Variants in SERPINA9 observed in about 807,000 individuals in gnomAD.
The protein encoded by SERPINA9 is serpin A9.
Under a neutral mutation model 24.5 loss-of-function variants are expected in SERPINA9, and 32 were observed. That is an observed-to-expected ratio of 1.30 (90% CI 0.98 to 1.75). The LOEUF (loss-of-function observed/expected upper bound fraction) is 1.75, where lower values mean the gene tolerates loss of function less well. SERPINA9 is among the 40% of genes most tolerant of loss of function. SERPINA9 has a pLI of 0.00. For synonymous variants in SERPINA9, 233 were observed against 197.7 expected (o/e 1.18, Z -1.50); for missense variants, 594 against 497.1 (o/e 1.19, Z -1.85).
rs367583739 is a variant in SERPINA9, at chr14:94,464,791, G to A, written c.966C>T (p.Leu322=). The A allele has an allele frequency of 2.3e-4, 371 of 1,613,334 alleles. 1 individual carries two copies. Among genetic ancestry groups the A allele is most frequent in the Non-Finnish European group, 3.1e-5 (37 of 1,179,368 alleles). Residue 322 remains leucine, a synonymous_variant, in exon 4 of 5, where the codon CTC becomes CTT. Transcript: ENST00000674397. The stretch of plus-strand genomic sequence containing the variant: ...AGACATTTTGGATGCCCATCTTCGG[G>A]AGGATGGTTTCCAGATTGTAGGAGG... ...ISASYNLETI[L]PKMGIQNVFD...
Position 94,469,647 on chromosome 14 carries a change from C to G in SERPINA9, c.194G>C (p.Ser65Thr), listed in dbSNP as rs771270945. 1.9e-6 allele frequency: 3 copies of G among 1,613,916 alleles called. No individual in the cohort carries two copies. The highest frequency in any genetic ancestry group is 1.3e-5 in the African/African-American group (1 of 74,860). Residue 65 changes from serine (S) to threonine (T), a missense_variant, in exon 2 of 5, where the codon AGT becomes ACT. Ser to Thr is a moderately conservative substitution (Grantham distance 58). Coordinates refer to ENST00000674397, the MANE Select transcript of SERPINA9 (RefSeq NM_175739.4). ...CACAGGGGAGAAGAAGATGTTCTGA[C>G]TCGGGGTCTCCAAAACCAGCCTGCG... ...LYRRLVLETP[S>T]QNIFFSPVSV...
At position 94,463,078 on chromosome 14, in the gene SERPINA9, C is replaced by A; in HGVS notation, c.*15G>T. On this transcript the variant is annotated 3_prime_UTR_variant, in exon 5 of 5. Transcript: ENST00000674397. ...GCATTAGCAATGTGCCATCAGTTAACAGGCCATTTCCCACCTAGGATTTAG... is the reference window on the plus strand; with the variant it reads ...GCATTAGCAATGTGCCATCAGTTAAAAGGCCATTTCCCACCTAGGATTTAG... 1 of 1,597,776 alleles carries A rather than the reference C, an allele frequency of 6.3e-7. No individual in the cohort carries two copies. The highest frequency in any genetic ancestry group is 8.6e-7 in the Non-Finnish European group (1 of 1,165,144).
intron 1 of SERPINA9, among the ~76,000 whole-genome samples, chr14:94,473,039 C>T (rs1899399581): frequency 6.6e-6 from 1 of 152,188 alleles, no homozygotes. Context: ...TGGGGGATGG[C>T]TGCAGAGAAC....
intron 4 of SERPINA9, among the ~76,000 whole-genome samples, chr14:94,464,020 C>G (rs1566789486): frequency 1.3e-5 from 2 of 152,164 alleles, no homozygotes; most frequent in Non-Finnish European, 2.9e-5. Context: ...GGATCAGTAA[C>G]CCATATGTGT....
At chr14:94,473,451 G>A (rs1378383116) in intron 1 of SERPINA9, among the ~76,000 whole-genome samples, 6 of 151,058 alleles carry the variant, frequency 4.0e-5, no homozygotes, top group African/African-American at 9.8e-5. Flanking sequence ...CCCGGGAGGC[G>A]GAAGTTGCAG....
intron 1 of SERPINA9, among the ~76,000 whole-genome samples, chr14:94,470,697 G>A (rs1057307853): frequency 1.1e-4 from 17 of 152,180 alleles, no homozygotes; most frequent in Non-Finnish European, 1.8e-4. Flanking sequence ...GGCACAAATT[G>A]TGCAGCACGG....
intron 1 of SERPINA9, 153 bp downstream of exon 1, chr14:94,475,983 A>G: frequency 1.8e-6 from 2 of 1,129,918 alleles, no homozygotes; most frequent in Non-Finnish European, 2.6e-6. Context: ...AATGTGACCC[A>G]GATGCTACTA....
chr14:94,475,437 T>TACAC (rs56863971), intron 1 of SERPINA9, among the ~76,000 whole-genome samples: 297 of 149,924 alleles, frequency 2.0e-3, no homozygotes, highest in Middle Eastern at 0.017. Flanking sequence ...CACACACACA[T>TACAC]ACACACACAC....
At chr14:94,475,544 A>G (rs565965939) in intron 1 of SERPINA9, among the ~76,000 whole-genome samples, 1 of 152,136 alleles carries the variant, frequency 6.6e-6, no homozygotes, top group African/African-American at 2.4e-5. Context: ...CTCAAAGGGC[A>G]TCCTCTCTGC....
At chr14:94,475,738 T>A (rs557274094) in intron 1 of SERPINA9, among the ~76,000 whole-genome samples, 2 of 152,188 alleles carry the variant, frequency 1.3e-5, no homozygotes, top group African/African-American at 4.8e-5. Flanking sequence ...CTCAAGCTGA[T>A]CCTTGCTGTT....
intron 1 of SERPINA9, among the ~76,000 whole-genome samples, chr14:94,474,523 C>T (rs1427309281): frequency 6.6e-6 from 1 of 152,144 alleles, no homozygotes; most frequent in African/African-American, 2.4e-5. Context: ...GGTCATTGCT[C>T]TCTTGGGGGA....
Position 94,462,800 on chromosome 14 carries a change from G to A in SERPINA9, c.*293C>T, listed in dbSNP as rs190911276. The A allele has an allele frequency of 2.7e-4, 103 of 387,618 alleles. No homozygotes were observed. Among genetic ancestry groups the A allele is most frequent in the Admixed American group, 6.6e-4 (16 of 24,120 alleles). The allele number at this position is 387,618 out of a possible 1,614,324, so 24.0% of individuals were successfully genotyped here. ...ATAGAGGTGCCTAACCTGGGTTGGC[G>A]TATTTCCATTCCTGGGAGCCCCAAG... On this transcript the variant is annotated 3_prime_UTR_variant, in exon 5 of 5. Coordinates refer to ENST00000674397, the MANE Select transcript of SERPINA9 (RefSeq NM_175739.4).
In SERPINA9 at chr14:94,467,330, G is replaced by A; in HGVS notation, c.681C>T (p.Phe227=). 1 of 1,613,988 alleles carries A rather than the reference G, an allele frequency of 6.2e-7. No individual in the cohort carries two copies. Among genetic ancestry groups the A allele is most frequent in the Non-Finnish European group, 8.5e-7 (1 of 1,179,878 alleles). ...HPEYTRKNFP[F]LVGEQVTVHV... Reference sequence around the variant, plus strand: ...GCACAGTGACCTGCTCGCCCACCAGGAATGGGAAGTTCTTTCTTGTATATT... The same window carrying A: ...GCACAGTGACCTGCTCGCCCACCAGAAATGGGAAGTTCTTTCTTGTATATT... The change falls in exon 3 of 5, where the codon TTC becomes TTT. Residue 227 remains phenylalanine, a synonymous_variant. Transcript: ENST00000674397.
At chr14:94,472,291 T>A (rs1899356963) in intron 1 of SERPINA9, among the ~76,000 whole-genome samples, 1 of 152,172 alleles carries the variant, frequency 6.6e-6, no homozygotes, top group Non-Finnish European at 1.5e-5. Flanking sequence ...CTGCTACAAA[T>A]GCCCCTCCTG....
chr14:94,464,497 C>T lies in SERPINA9; in HGVS notation c.1050+210G>A, dbSNP rs1412014605. On this transcript the variant is annotated intron_variant, in intron 4 of 4. Transcript: ENST00000674397. ...GGGAGCACCTGACTGCTGAGGATGG[C>T]TTCGGAACATTTGTGTGAAGAGGGA... The T allele has an allele frequency of 5.3e-6, 3 of 565,836 alleles. No individual in the cohort carries two copies. In the African/African-American group the frequency reaches 5.7e-5, roughly 11 times the overall value. 35.1% of individuals were successfully genotyped at this position (565,836 alleles called of 1,614,324 possible). A position where few individuals can be genotyped will look rare whatever the true frequency, so the allele number is the denominator to read the frequency against.
At chr14:94,475,344 T>C (rs188745935) in intron 1 of SERPINA9, among the ~76,000 whole-genome samples, 2 of 152,234 alleles carry the variant, frequency 1.3e-5, no homozygotes, top group African/African-American at 2.4e-5. Context: ...TCCATGTCCT[T>C]AACCTTTTTA....
intron 1 of SERPINA9, chr14:94,475,894 G>A (rs1899612966): frequency 7.4e-6 from 4 of 540,478 alleles, no homozygotes; most frequent in South Asian, 5.8e-5. Context: ...ATTTTCAAGA[G>A]CTGTGTATTC....
chr14:94,475,820 C>A (rs546736121), intron 1 of SERPINA9: 10 of 446,766 alleles, frequency 2.2e-5, no homozygotes, highest in South Asian at 9.2e-5. Context: ...AAAAACACTC[C>A]TTTCACCCTC....
At chr14:94,474,744 C>T (rs544025012) in intron 1 of SERPINA9, among the ~76,000 whole-genome samples, 35 of 152,200 alleles carry the variant, frequency 2.3e-4, no homozygotes, top group African/African-American at 8.4e-4. Context: ...GACACTCTGC[C>T]GTCCCCAGGG....
Sources: allele counts gnomAD v4.1 joint callset (sites outside exome capture counted in the v4.1 genomes callset), GRCh38; gene constraint gnomAD v4.1.1; transcripts MANE v1.5; gene names NCBI Gene and HGNC (gene_info 2026-07-23, HGNC 2026-07-21).